The following SGCZ variants were observed in gnomAD, a reference collection of about 807,000 sequenced individuals.
The protein encoded by SGCZ is sarcoglycan zeta.
SGCZ carries 40 observed loss-of-function variants against 41.3 expected under a neutral mutation model. The ratio of observed to expected loss-of-function variants is 0.97; its 90% CI spans 0.75 to 1.26. The LOEUF is 1.26. Among genes scored for constraint, SGCZ ranks in the 50% most tolerant of loss-of-function variants. The pLI is 0.00. For synonymous variants in SGCZ, 206 were observed against 137.5 expected, an observed-to-expected ratio of 1.50 and a Z score of -3.49; for missense variants, 552 against 369.8, an observed-to-expected ratio of 1.49 and a Z score of -4.04.
intron 1 of SGCZ, among the ~76,000 whole-genome samples, chr8:14,578,166 G>A (rs1412068637): frequency 1.3e-5 from 2 of 152,158 alleles, no homozygotes; most frequent in African/African-American, 4.8e-5. Context: ...GAAGATTTTG[G>A]TGATAAAAAG....
At chr8:14,509,851 G>A (rs1023708695) in intron 2 of SGCZ, among the ~76,000 whole-genome samples, 1 of 152,060 alleles carries the variant, frequency 6.6e-6, no homozygotes, top group African/African-American at 2.4e-5. Flanking sequence ...GGGGCAAAGT[G>A]GGGAAGAGCC....
Position 14,090,576 on chromosome 8 carries a change from G to A in SGCZ, c.806C>T (p.Ser269Phe). ...GNLPTGSFSS[S>F]SPSSSSSRQT... ...TCGAGAACTTGAGGAGCTGGGTGAA[G>A]AAGATGAGAAGGAGCCAGTTGGTAG... The change falls in exon 8 of 8, where the codon TCT becomes TTT. Residue 269 changes from serine to phenylalanine, a missense_variant. By Grantham distance (155) the Ser-to-Phe change is radical. Coordinates refer to ENST00000382080, the MANE Select transcript of SGCZ (RefSeq NM_139167.4). 2 of 1,612,914 alleles carry A rather than the reference G, an allele frequency of 1.2e-6. No individual in the cohort carries two copies. Among genetic ancestry groups the A allele is most frequent in the Non-Finnish European group, 1.7e-6 (2 of 1,179,416 alleles).
intron 2 of SGCZ, among the ~76,000 whole-genome samples, chr8:14,352,503 T>C (rs1803137049): frequency 6.6e-6 from 1 of 152,012 alleles, no homozygotes; most frequent in Non-Finnish European, 1.5e-5. Context: ...GGATTCAAGG[T>C]TACTCTTCTG....
chr8:14,349,422 T>G (rs952477076), intron 2 of SGCZ, among the ~76,000 whole-genome samples: 2 of 152,140 alleles, frequency 1.3e-5, no homozygotes, highest in Non-Finnish European at 2.9e-5. Context: ...AGACAGGGTC[T>G]AGATTCTCTG....
chr8:14,369,240 C>T (rs1485421662), intron 2 of SGCZ, among the ~76,000 whole-genome samples: 1 of 151,998 alleles, frequency 6.6e-6, no homozygotes, highest in Non-Finnish European at 1.5e-5. Context: ...CCAATCCAAT[C>T]TATGATCATA....
chr8:14,540,958 T>C (rs754069276), intron 2 of SGCZ, among the ~76,000 whole-genome samples: 1 of 151,462 alleles, frequency 6.6e-6, no homozygotes, highest in Non-Finnish European at 1.5e-5. Flanking sequence ...TTCACAGTTA[T>C]ATCAAAACAA....
intron 1 of SGCZ, among the ~76,000 whole-genome samples, chr8:14,926,116 C>A (rs1799740890): frequency 6.6e-6 from 1 of 152,142 alleles, no homozygotes; most frequent in Admixed American, 6.5e-5. Context: ...GAACACAGGT[C>A]ATTAAACGCA....
At chr8:14,193,603 G>C (rs1432169494) in intron 4 of SGCZ, among the ~76,000 whole-genome samples, 1 of 151,950 alleles carries the variant, frequency 6.6e-6, no homozygotes, top group Non-Finnish European at 1.5e-5. Context: ...CATTAAAATT[G>C]TATTCTAAAT....
In SGCZ at chr8:14,546,095, G is replaced by A. The variant is rs117938403; in HGVS notation, c.234+8637C>T. On this transcript the variant is annotated intron_variant, in intron 2 of 7. Transcript: ENST00000382080. ...AGAAAATCATGAGGAGCTGCATACG[G>A]AAGGGTATAATGGAAGCAGTCTTGC... Among the ~76,000 whole-genome samples the A allele has an allele frequency of 2.2e-4, 34 of 152,302 alleles. No homozygotes were observed. The East Asian group carries it at 6.0e-3, about 27-fold the overall frequency.
At chr8:15,120,652 A>G (rs1048341520) in intron 1 of SGCZ, among the ~76,000 whole-genome samples, 1 of 152,196 alleles carries the variant, frequency 6.6e-6, no homozygotes. Flanking sequence ...TAAAGGTTCC[A>G]TTATGCCCCC....
intron 1 of SGCZ, among the ~76,000 whole-genome samples, chr8:15,113,638 T>C (rs1469918034): frequency 6.6e-6 from 1 of 152,182 alleles, no homozygotes; most frequent in Non-Finnish European, 1.5e-5. Flanking sequence ...GGGCCTCCTA[T>C]ATTCCTGCTT....
chr8:14,694,494 G>A (rs766980989), intron 1 of SGCZ, among the ~76,000 whole-genome samples: 5 of 152,052 alleles, frequency 3.3e-5, no homozygotes, highest in South Asian at 2.1e-4. Flanking sequence ...CCCTTAGTCC[G>A]AATAAATATA....
chr8:14,614,163 T>C lies in SGCZ; in HGVS notation c.40-59237A>G, dbSNP rs143275395. On this transcript the variant is annotated intron_variant, in intron 1 of 7. Transcript: ENST00000382080. ...AATTTCCCTAATGTCCGTTGCTAAA[T>C]TAAATGTGTTGTCAAGAAACTAATG... is the stretch of plus-strand genomic sequence containing the variant. 8.5e-5 allele frequency among the ~76,000 whole-genome samples: 13 copies of C among 152,282 alleles called. No individual in the cohort carries two copies. The East Asian group carries it at 2.5e-3, about 29-fold the overall frequency.
intron 1 of SGCZ, among the ~76,000 whole-genome samples, chr8:15,017,723 C>T (rs1467344610): frequency 6.6e-6 from 1 of 152,090 alleles, no homozygotes. Context: ...CCAAGCTGGT[C>T]TCAAATTCCT....
intron 5 of SGCZ, among the ~76,000 whole-genome samples, chr8:14,161,712 AGTAG>A (rs1022788540): frequency 1.5e-4 from 23 of 152,306 alleles, no homozygotes; most frequent in African/African-American, 5.5e-4. Context: ...CTTCTAATTA[AGTAG>A]GGGTGTCTGA....
intron 1 of SGCZ, among the ~76,000 whole-genome samples, chr8:14,927,207 G>A (rs1338424416): frequency 6.9e-6 from 1 of 143,888 alleles, no homozygotes. Context: ...CTCCGAGGTT[G>A]ACGCCATTCT....
intron 3 of SGCZ, among the ~76,000 whole-genome samples, chr8:14,270,052 C>G (rs1336465666): frequency 6.6e-6 from 1 of 152,006 alleles, no homozygotes; most frequent in Non-Finnish European, 1.5e-5. Context: ...AAAATCAAGT[C>G]CAGGTGTGGT....
At chr8:14,657,634 T>G (rs1466023473) in intron 1 of SGCZ, among the ~76,000 whole-genome samples, 1 of 151,582 alleles carries the variant, frequency 6.6e-6, no homozygotes, top group African/African-American at 2.4e-5. Flanking sequence ...TACTTCTAAC[T>G]CTTTAATCAG....
chr8:14,109,834 G>A (rs1338613219), intron 5 of SGCZ, among the ~76,000 whole-genome samples: 4 of 151,818 alleles, frequency 2.6e-5, no homozygotes, highest in Non-Finnish European at 5.9e-5. Context: ...ATGCTGCTGA[G>A]GGCAAACTTA....
Sources: gnomAD v4.1 joint callset for allele counts (sites outside exome capture counted in the v4.1 genomes callset) on GRCh38, gnomAD v4.1.1 for gene constraint, MANE v1.5 for transcripts, NCBI Gene and HGNC (gene_info 2026-07-23, HGNC 2026-07-21) for gene names.